The following CIITA variants were observed in gnomAD, a reference collection of about 807,000 sequenced individuals.
The protein encoded by CIITA is class II major histocompatibility complex transactivator.
CIITA carries 72 observed loss-of-function variants against 115.1 expected under a neutral mutation model. The observed-to-expected ratio is 0.63, with a 90% CI of 0.52 to 0.76. CIITA has a LOEUF of 0.76. CIITA is among the 30% of genes least tolerant of loss of function. The pLI, the probability that CIITA is intolerant of heterozygous loss-of-function variation, is 0.00. For synonymous variants in CIITA, 763 were observed against 635.6 expected, an observed-to-expected ratio of 1.20 and a Z score of -3.02; for missense variants, 1,617 against 1,463.8, an observed-to-expected ratio of 1.10 and a Z score of -1.71.
chr16:10,867,702 C>A (rs1567343677), intron 1 of CIITA, among the ~76,000 whole-genome samples: 1 of 152,218 alleles, frequency 6.6e-6, no homozygotes. Context: ...GCTCCTCCAA[C>A]TTTTTACGTC....
chr16:10,919,260 C>T (rs1567445077), intron 16 of CIITA, among the ~76,000 whole-genome samples: 1 of 68,226 alleles, frequency 1.5e-5, no homozygotes, highest in Non-Finnish European at 2.8e-5. Context: ...GTGGTGTGAT[C>T]TCAGCTCACT....
rs775842390 is a variant in CIITA at position 10,883,315 on chromosome 16, A to C, written c.52+5933A>C. Among the ~76,000 whole-genome samples, 7 of 152,340 alleles carry C rather than the reference A, an allele frequency of 4.6e-5. No individual in the cohort carries two copies. The East Asian group carries it at 9.6e-4, about 21-fold the overall frequency. ...AGGAGTGGCATGCAGAAGGGAGGCTATCTGGAGCTGGGACAGACCAGGCAA... is the reference window on the plus strand; with the variant it reads ...AGGAGTGGCATGCAGAAGGGAGGCTCTCTGGAGCTGGGACAGACCAGGCAA... On this transcript the variant is annotated intron_variant, in intron 1 of 19. Transcript: ENST00000324288.
In CIITA at chr16:10,901,189, C is replaced by T. The variant is rs1302308565; in HGVS notation, c.437-325C>T. ...TGAGATCAAAGGTTCAGAGAAGCTGCATTGCAAAGGCACACAGCTAGGAAG... is the reference window on the plus strand; with the variant it reads ...TGAGATCAAAGGTTCAGAGAAGCTGTATTGCAAAGGCACACAGCTAGGAAG... On this transcript the variant is annotated intron_variant, in intron 5 of 19. Coordinates refer to ENST00000324288, the MANE Select transcript of CIITA (RefSeq NM_000246.4). This position sits in a 1 kb window ranked among gnomAD's most constrained non-coding sequence, Gnocchi z 6.8. Among the ~76,000 whole-genome samples, 3 of 152,166 alleles carry T rather than the reference C, an allele frequency of 2.0e-5. No individual in the cohort carries two copies. The highest frequency in any genetic ancestry group is 4.4e-5 in the Non-Finnish European group (3 of 68,024).
At position 10,923,464 on chromosome 16, in the gene CIITA, T is replaced by A. The variant is rs2040384539; in HGVS notation, c.*22+139T>A. 1 of 676,008 alleles carries A rather than the reference T, an allele frequency of 1.5e-6. No individual in the cohort carries two copies. The highest frequency in any genetic ancestry group is 2.7e-6 in the Non-Finnish European group (1 of 376,280). The allele number at this position is 676,008 out of a possible 1,614,324, so 41.9% of individuals were successfully genotyped here. A position where few individuals can be genotyped will look rare whatever the true frequency, so the allele number is the denominator to read the frequency against. ...TTGGACGCATGCGTCATCAGAGACA[T>A]CCCCTCATCTCCACCCTGGGCTCGG... On this transcript the variant is annotated intron_variant, in intron 19 of 19. Coordinates refer to ENST00000324288, the MANE Select transcript of CIITA (RefSeq NM_000246.4). This position sits in a 1 kb window ranked among gnomAD's most constrained non-coding sequence, Gnocchi z 5.2.
At chr16:10,915,802 G>A in intron 14 of CIITA, 152 bp downstream of exon 14, 2 of 757,890 alleles carry the variant, frequency 2.6e-6, no homozygotes. Context: ...ACAGTGCCCA[G>A]CAACCTCTGG....
chr16:10,905,066 G>C (rs1420240677), intron 10 of CIITA, among the ~76,000 whole-genome samples: 1 of 152,230 alleles, frequency 6.6e-6, no homozygotes, highest in Non-Finnish European at 1.5e-5. Flanking sequence ...TTGTCAGGCT[G>C]AGAGAATGAA....
intron 9 of CIITA, 40 bp downstream of exon 9, chr16:10,903,935 G>T (rs370797681): frequency 6.2e-7 from 1 of 1,613,424 alleles, no homozygotes; most frequent in Non-Finnish European, 8.5e-7. Context: ...CTAGAAGCAG[G>T]ATCGAGGCCC....
At chr16:10,875,103 AC>A (rs1201821125), upstream of CIITA, among the ~76,000 whole-genome samples, 1 of 152,000 alleles carries the variant, frequency 6.6e-6, no homozygotes, top group East Asian at 1.9e-4. Context: ...CGAGTAGCAC[AC>A]GCACCATCAC....
At chr16:10,910,861 C>G (rs2039510621) in intron 13 of CIITA, among the ~76,000 whole-genome samples, 1 of 152,228 alleles carries the variant, frequency 6.6e-6, no homozygotes, top group Non-Finnish European at 1.5e-5. Context: ...GAATCTTTCC[C>G]CCATTTTGAA....
At chr16:10,868,384 T>C (rs2143176494) in intron 1 of CIITA, among the ~76,000 whole-genome samples, 1 of 152,344 alleles carries the variant, frequency 6.6e-6, no homozygotes, top group Admixed American at 6.5e-5. Flanking sequence ...TTGGCGGCCT[T>C]ATCTTGGGCA....
rs2040856173 is a variant in CIITA, at chr16:10,932,802, C to T, written c.*8947C>T. ...TTCCAGGTTCAAGCAATTCTCATGC[C>T]TCAGCCTCCTGAGTAGCTGGGACTA... On this transcript the variant is annotated 3_prime_UTR_variant, in exon 20 of 20. Transcript: ENST00000324288. The T allele has an allele frequency of 6.6e-6, 1 of 151,146 alleles. No homozygotes were observed. The highest frequency in any genetic ancestry group is 2.4e-5 in the African/African-American group (1 of 41,114). 9.4% of individuals were successfully genotyped at this position (151,146 alleles called of 1,614,324 possible). A position where few individuals can be genotyped will look rare whatever the true frequency, so the allele number is the denominator to read the frequency against.
chr16:10,918,988 C>T (rs2145071160), intron 16 of CIITA, among the ~76,000 whole-genome samples: 1 of 152,112 alleles, frequency 6.6e-6, no homozygotes, highest in East Asian at 1.9e-4. Flanking sequence ...CCATCCAGGC[C>T]CTGGTGTGGT....
chr16:10,912,909 C>T (rs1431964343), intron 13 of CIITA, among the ~76,000 whole-genome samples: 1 of 152,270 alleles, frequency 6.6e-6, no homozygotes, highest in African/African-American at 2.4e-5. Flanking sequence ...TCTCAGGCTT[C>T]TACTGTGCCC....
chr16:10,876,966 C>T (rs1010777054), upstream of CIITA, among the ~76,000 whole-genome samples: 2 of 152,174 alleles, frequency 1.3e-5, no homozygotes, highest in African/African-American at 4.8e-5. Flanking sequence ...GAAGGTTCCC[C>T]CAACAGACTT....
At chr16:10,872,515 T>C (rs1358908614), upstream of CIITA, among the ~76,000 whole-genome samples, 1 of 152,244 alleles carries the variant, frequency 6.6e-6, no homozygotes, top group African/African-American at 2.4e-5. Flanking sequence ...TCATGTCTAC[T>C]TATCAGTTAA....
At chr16:10,873,046 C>T (rs1039419882), upstream of CIITA, among the ~76,000 whole-genome samples, 2 of 152,194 alleles carry the variant, frequency 1.3e-5, no homozygotes, top group Non-Finnish European at 2.9e-5. Flanking sequence ...AATCACAGCT[C>T]ACTACAGCCT....
rs2039901930 is a variant in CIITA, at chr16:10,915,663, T to A, written c.2969+13T>A. 6.2e-7 allele frequency: 1 copy of A among 1,607,780 alleles called. No homozygotes were observed. Among genetic ancestry groups the A allele is most frequent in the South Asian group, 1.1e-5 (1 of 90,944 alleles). Reference sequence around the variant, plus strand: ...TGCAGCATCTGGAGTGAGTATAGACTCTGGGACCCCTTCCTCTCAACATCT... The same window carrying A: ...TGCAGCATCTGGAGTGAGTATAGACACTGGGACCCCTTCCTCTCAACATCT... On this transcript the variant is annotated intron_variant, in intron 14 of 19. Transcript: ENST00000324288.
At chr16:10,874,157 T>C (rs2035673122), upstream of CIITA, among the ~76,000 whole-genome samples, 1 of 152,092 alleles carries the variant, frequency 6.6e-6, no homozygotes, top group African/African-American at 2.4e-5. Flanking sequence ...ATAATTTTTC[T>C]ATTTTTAGTA....
At chr16:10,893,066 C>A (rs1432877627) in intron 1 of CIITA, among the ~76,000 whole-genome samples, 1 of 152,150 alleles carries the variant, frequency 6.6e-6, no homozygotes, top group Non-Finnish European at 1.5e-5. Context: ...GATGTGGCCA[C>A]TAAAGCTGAG....
Sources: allele counts gnomAD v4.1 joint callset (sites outside exome capture counted in the v4.1 genomes callset), GRCh38; gene constraint gnomAD v4.1.1; non-coding constraint Gnocchi (gnomAD v3.1); transcripts MANE v1.5; gene names NCBI Gene and HGNC (gene_info 2026-07-23, HGNC 2026-07-21).